ABCD3: variants seen among roughly 807,000 people sequenced by gnomAD.
ABCD3 encodes the protein ATP binding cassette subfamily D member 3, also known as ATP-binding cassette sub-family D member 3.
In ABCD3, 41 loss-of-function variants were observed where a neutral mutation model predicts 105.5. That is an observed-to-expected ratio of 0.39 (90% CI 0.30 to 0.50). The LOEUF (loss-of-function observed/expected upper bound fraction) is 0.50. Ranked by LOEUF, ABCD3 falls within the 20% of genes least tolerant of loss-of-function variation. The pLI is 0.84. For synonymous variants in ABCD3, 258 were observed against 269.0 expected (o/e 0.96, Z 0.40); for missense variants, 622 against 806.3 (o/e 0.77, Z 2.77).
chr1:94,388,024 T>C, the ABCD3 span, among the ~76,000 whole-genome samples: 23 of 152,322 alleles, frequency 1.5e-4, no homozygotes, highest in African/African-American at 4.8e-4. Context: ...ATGGTAGGTC[T>C]ATTTGACATC....
the ABCD3 span, among the ~76,000 whole-genome samples, chr1:94,401,959 C>T: frequency 3.3e-5 from 5 of 152,194 alleles, no homozygotes; most frequent in Non-Finnish European, 7.3e-5. Context: ...TGCCATCTTC[C>T]AGTGGATTTT....
the ABCD3 span, among the ~76,000 whole-genome samples, chr1:94,405,168 G>A: frequency 2.6e-5 from 4 of 152,170 alleles, no homozygotes; most frequent in East Asian, 1.9e-4. Context: ...ATTCCAAAAG[G>A]TAACACTCTA....
At chr1:94,445,221 T>A (rs532071520) in intron 1 of ABCD3, among the ~76,000 whole-genome samples, 129 of 152,316 alleles carry the variant, frequency 8.5e-4, no homozygotes, top group African/African-American at 2.9e-3. Context: ...CTCCACACTC[T>A]ATATTTCTGT....
At chr1:94,446,471 A>G (rs1000635157) in intron 1 of ABCD3, among the ~76,000 whole-genome samples, 20 of 152,248 alleles carry the variant, frequency 1.3e-4, no homozygotes, top group African/African-American at 2.2e-4. Flanking sequence ...GAGAAATTCA[A>G]ATTGTTACAT....
In ABCD3 at chr1:94,507,915, C is replaced by T. The variant is rs1403668978; in HGVS notation, c.1845+1273C>T. On this transcript the variant is annotated intron_variant, in intron 21 of 22. Transcript: ENST00000370214. ...AGCCCTTTGTCAGATGAGTAGGTTG[C>T]GAAAATTTTCTCCCATTTTGTAGGC... is the stretch of plus-strand genomic sequence containing the variant. 9.4e-3 allele frequency among the ~76,000 whole-genome samples: 1,375 copies of T among 146,980 alleles called. 18 individuals carry two copies. Among genetic ancestry groups the T allele is most frequent in the Non-Finnish European group, 0.012 (797 of 66,786 alleles).
At chr1:94,455,936 A>T (rs1045905556) in intron 1 of ABCD3, 2 of 810,730 alleles carry the variant, frequency 2.5e-6, no homozygotes, top group Non-Finnish European at 3.2e-6. Context: ...TTGAATACTA[A>T]TTTTTTTATT....
chr1:94,475,245 G>A lies in ABCD3; in HGVS notation c.503+5G>A. 1 of 1,505,874 alleles carries A rather than the reference G, an allele frequency of 6.6e-7. No homozygotes were observed. Among genetic ancestry groups the A allele is most frequent in the South Asian group, 1.2e-5 (1 of 82,658 alleles). The allele number at this position is 1,505,874 out of a possible 1,614,324, so 93.3% of individuals were successfully genotyped here. ...CCTCTATGAGGAGTATCTTCAGTAA[G>A]TGATAACCTATTTTTATATTAAAAA... is the stretch of plus-strand genomic sequence containing the variant. On this transcript the variant is annotated splice_donor_5th_base_variant and intron_variant, in intron 6 of 22. Coordinates refer to ENST00000370214, the MANE Select transcript of ABCD3 (RefSeq NM_002858.4).
chr1:94,508,911 T>C (rs1252199372), intron 21 of ABCD3, among the ~76,000 whole-genome samples: 2 of 152,214 alleles, frequency 1.3e-5, no homozygotes, highest in Admixed American at 6.5e-5. Flanking sequence ...TTTCTAGATA[T>C]ACAATCATGT....
At chr1:94,396,429 T>TCTAAGGAG in the ABCD3 span, among the ~76,000 whole-genome samples, 1 of 152,196 alleles carries the variant, frequency 6.6e-6, no homozygotes, top group Non-Finnish European at 1.5e-5. Flanking sequence ...CTGCAGTTAC[T>TCTAAGGAG]CTCAGGAGCT....
chr1:94,506,055 A>T (rs997965520), intron 20 of ABCD3, among the ~76,000 whole-genome samples: 2 of 152,216 alleles, frequency 1.3e-5, no homozygotes, highest in African/African-American at 2.4e-5. Flanking sequence ...GCTTAAAAAA[A>T]TGAGCACAAC....
At chr1:94,413,077 TA>T in the ABCD3 span, among the ~76,000 whole-genome samples, 2 of 99,920 alleles carry the variant, frequency 2.0e-5, no homozygotes, top group African/African-American at 1.3e-4. Context: ...TTGTGAAATT[TA>T]TTTATTTATT....
intron 1 of ABCD3, among the ~76,000 whole-genome samples, chr1:94,457,786 G>C (rs1435163991): frequency 6.6e-6 from 1 of 152,114 alleles, no homozygotes; most frequent in Non-Finnish European, 1.5e-5. Context: ...GCATCAGTTT[G>C]AGTTCTGTCC....
intron 1 of ABCD3, among the ~76,000 whole-genome samples, chr1:94,455,363 T>C (rs1647499561): frequency 6.6e-6 from 1 of 152,000 alleles, no homozygotes; most frequent in Admixed American, 6.6e-5. Flanking sequence ...TTTGCTCTTA[T>C]TGCCCAGGCT....
chr1:94,514,476 A>G (rs1355313235), intron 21 of ABCD3: 1 of 151,722 alleles, frequency 6.6e-6, no homozygotes. Flanking sequence ...GTACAGATCT[A>G]TAAATACGTA....
intron 1 of ABCD3, chr1:94,419,250 T>C: frequency 1.0e-6 from 1 of 982,842 alleles, no homozygotes; most frequent in African/African-American, 1.7e-5. Context: ...AAAGGCTGGA[T>C]CGGTTCTGTC....
At position 94,500,773 on chromosome 1, in the gene ABCD3, G is replaced by A. The variant is rs10218550; in HGVS notation, c.1740+1159G>A. ...ACATGAGGTTAATATTAACCTAATA[G>A]TGTGACTTGCCTGGCTAGTGCTATA... On this transcript the variant is annotated intron_variant, in intron 20 of 22. Coordinates refer to ENST00000370214, the MANE Select transcript of ABCD3 (RefSeq NM_002858.4). 8.3e-3 allele frequency among the ~76,000 whole-genome samples: 1,255 copies of A among 152,120 alleles called. 14 individuals carry two copies. Among genetic ancestry groups the A allele is most frequent in the African/African-American group, 0.029 (1,204 of 41,490 alleles).
Position 94,499,503 on chromosome 1 carries a change from G to A in ABCD3, c.1629G>A (p.Lys543=). The change falls in exon 20 of 23, where the codon AAG becomes AAA. Residue 543 remains lysine (K), a synonymous_variant. Coordinates refer to ENST00000370214, the MANE Select transcript of ABCD3 (RefSeq NM_002858.4). ...KRKGISDLVL[K]EYLDNVQLGH... ...AATCATTTTGCTGAAAGGTACTGAA[G>A]GAATACTTAGACAATGTCCAGTTGG... is the stretch of plus-strand genomic sequence containing the variant. 1 of 1,613,472 alleles carries A rather than the reference G, an allele frequency of 6.2e-7. No individual in the cohort carries two copies. The highest frequency in any genetic ancestry group is 8.5e-7 in the Non-Finnish European group (1 of 1,179,558).
rs912277821 is a variant in ABCD3 at position 94,438,502 on chromosome 1, GGATT to G, written c.110+19921_110+19924del. 3.3e-4 allele frequency among the ~76,000 whole-genome samples: 50 copies of G among 152,216 alleles called. 1 individual carries two copies. Among genetic ancestry groups the G allele is most frequent in the Middle Eastern group, 3.4e-3 (1 of 294 alleles). Reference sequence around the variant, plus strand: ...TTGGTTGATGTGACAAGATTTGAGAGGATTGATTGACTCCAAGTTTGAAAGTTCT... The same window carrying G: ...TTGGTTGATGTGACAAGATTTGAGAGGATTGACTCCAAGTTTGAAAGTTCT... On this transcript the variant is annotated intron_variant, in intron 1 of 22. Coordinates refer to ENST00000370214, the MANE Select transcript of ABCD3 (RefSeq NM_002858.4).
the ABCD3 span, among the ~76,000 whole-genome samples, chr1:94,409,012 T>C: frequency 2.6e-5 from 4 of 152,168 alleles, no homozygotes; most frequent in East Asian, 7.7e-4. Flanking sequence ...ATCTGTTCCT[T>C]TTTATAACTT....
Sources: allele counts gnomAD v4.1 joint callset (sites outside exome capture counted in the v4.1 genomes callset), GRCh38; gene constraint gnomAD v4.1.1; transcripts MANE v1.5; gene names NCBI Gene and HGNC (gene_info 2026-07-23, HGNC 2026-07-21).